Variants in WWC1 observed in about 807,000 individuals in gnomAD.
WWC1 encodes WW and C2 domain containing 1.
A neutral mutation model predicts 138.4 loss-of-function variants in WWC1; 55 were observed. That is an observed-to-expected ratio of 0.40 (90% CI 0.32 to 0.50). The LOEUF is 0.50. Ranked by LOEUF, WWC1 falls within the 20% of genes least tolerant of loss-of-function variation. The pLI is 0.72. For missense variants in WWC1, 1,226 were observed against 1,420.4 expected, an observed-to-expected ratio of 0.86 and a Z score of 2.20; for synonymous variants, 524 against 564.9, an observed-to-expected ratio of 0.93 and a Z score of 1.03.
At chr5:168,308,302 AAAC>A (rs10591587) in intron 1 of WWC1, among the ~76,000 whole-genome samples, 96,768 of 151,768 alleles carry the variant, frequency 0.64, 31,171 homozygotes, top group Middle Eastern at 0.72. Flanking sequence ...CAAATAATAA[AAAC>A]AAGCAAAATA....
chr5:168,414,837 T>C (rs1780482485), intron 9 of WWC1: 1 of 523,746 alleles, frequency 1.9e-6, no homozygotes, highest in Non-Finnish European at 3.3e-6. Context: ...GGTGCAGGTG[T>C]TCAAAAATGT....
chr5:168,444,281 A>G (rs1373266653), intron 16 of WWC1, among the ~76,000 whole-genome samples: 2 of 152,234 alleles, frequency 1.3e-5, no homozygotes, highest in African/African-American at 4.8e-5. Context: ...GTTCATACAT[A>G]CAGGAGCTAT....
chr5:168,357,830 A>T (rs988533918), intron 1 of WWC1, among the ~76,000 whole-genome samples: 4 of 152,140 alleles, frequency 2.6e-5, no homozygotes, highest in African/African-American at 9.7e-5. Context: ...TGGGAGAAAA[A>T]CCCATAAAGC....
At position 168,292,088 on chromosome 5, in the gene WWC1, T is replaced by G. The variant is rs1204448788; in HGVS notation, c.-65T>G. ...GCCGCCCGGGCTAAGAGCGGCCGGCTGGAGCCGCTGAGCCCCCGCTGCGGC... is the reference window on the plus strand; with the variant it reads ...GCCGCCCGGGCTAAGAGCGGCCGGCGGGAGCCGCTGAGCCCCCGCTGCGGC... On this transcript the variant is annotated 5_prime_UTR_variant, in exon 1 of 23. Coordinates refer to ENST00000265293, the MANE Select transcript of WWC1 (RefSeq NM_015238.3). This position sits in a 1 kb window ranked among gnomAD's most constrained non-coding sequence, Gnocchi z 4.4. 6.9e-7 allele frequency: 1 copy of G among 1,447,998 alleles called. No individual in the cohort carries two copies. Among genetic ancestry groups the G allele is most frequent in the Non-Finnish European group, 9.1e-7 (1 of 1,103,922 alleles). 89.7% of individuals were successfully genotyped at this position (1,447,998 alleles called of 1,614,324 possible).
At chr5:168,387,012 T>C (rs1392172055) in intron 3 of WWC1, among the ~76,000 whole-genome samples, 1 of 152,228 alleles carries the variant, frequency 6.6e-6, no homozygotes, top group East Asian at 1.9e-4. Flanking sequence ...TGCCAGACAC[T>C]CTGCTATAGT....
At chr5:168,466,186 T>G (rs1047864268) in intron 21 of WWC1, among the ~76,000 whole-genome samples, 1 of 152,132 alleles carries the variant, frequency 6.6e-6, no homozygotes, top group Admixed American at 6.6e-5. Context: ...TTGAGCTATA[T>G]TTAAAACAAC....
rs775639758 is a variant in WWC1 at position 168,376,242 on chromosome 5, T to C, written c.229+4709T>C. Among the ~76,000 whole-genome samples the C allele has an allele frequency of 4.2e-4, 63 of 151,352 alleles. No individual in the cohort carries two copies. The Middle Eastern group carries it at 0.021, about 50-fold the overall frequency. On this transcript the variant is annotated intron_variant, in intron 2 of 22. Coordinates refer to ENST00000265293, the MANE Select transcript of WWC1 (RefSeq NM_015238.3). ...CTAATTTTTGTATTTTTAGTAGAGA[T>C]GGGGTTTCACCATGTTGGCCAGGCT...
At chr5:168,389,755 T>G (rs1293633481) in intron 3 of WWC1, among the ~76,000 whole-genome samples, 2 of 152,110 alleles carry the variant, frequency 1.3e-5, no homozygotes, top group Non-Finnish European at 2.9e-5. Flanking sequence ...ATGTCAGAGT[T>G]TCTTAACCTC....
Position 168,427,471 on chromosome 5 carries a change from C to T in WWC1, c.1811-562C>T, listed in dbSNP as rs111382508. ...GAGCCGGATTTGAATCCAGGCAGTT[C>T]GACTCAAGAGCCTGGGATGGTAAAA... is the stretch of plus-strand genomic sequence containing the variant. On this transcript the variant is annotated intron_variant, in intron 11 of 22. Transcript: ENST00000265293. Among the ~76,000 whole-genome samples the T allele has an allele frequency of 9.5e-3, 1,441 of 151,228 alleles. 20 individuals carry two copies. The highest frequency in any genetic ancestry group is 0.034 in the African/African-American group (1,378 of 41,134).
chr5:168,328,885 G>A (rs954519987), intron 1 of WWC1, among the ~76,000 whole-genome samples: 24 of 152,236 alleles, frequency 1.6e-4, no homozygotes, highest in African/African-American at 5.8e-4. Context: ...GCATGACCTC[G>A]GTGTCTGGTG....
In WWC1 at chr5:168,455,389, C is replaced by G; in HGVS notation, c.2692C>G (p.Pro898Ala). The change falls in exon 19 of 23, where the codon CCA becomes GCA. Residue 898 changes from proline to alanine, a missense_variant. By Grantham distance (27) the Pro-to-Ala change is conservative. Coordinates refer to ENST00000265293, the MANE Select transcript of WWC1 (RefSeq NM_015238.3). Reference protein sequence around the residue: ...DKETNTETPAPSPTVVRPKDR... With the variant: ...DKETNTETPAASPTVVRPKDR... ...AGAGACCAACACGGAGACCCCGGCC[C>G]CATCCCCCACAGTGGTGCGACCTAA... The G allele has an allele frequency of 6.3e-7, 1 of 1,599,298 alleles. No homozygotes were observed. The highest frequency in any genetic ancestry group is 8.5e-7 in the Non-Finnish European group (1 of 1,174,002).
At chr5:168,467,327 A>G (rs996582840) in intron 21 of WWC1, among the ~76,000 whole-genome samples, 16 of 152,336 alleles carry the variant, frequency 1.1e-4, no homozygotes, top group South Asian at 4.1e-4. Flanking sequence ...GTTTTCAAGT[A>G]TATGGTACGT....
At chr5:168,434,083 C>T (rs1782152071) in intron 15 of WWC1, among the ~76,000 whole-genome samples, 1 of 152,222 alleles carries the variant, frequency 6.6e-6, no homozygotes, top group Admixed American at 6.5e-5. Flanking sequence ...GGTTGGCAAG[C>T]CTGGGCTCCT....
At chr5:168,313,391 G>C (rs907310527) in intron 1 of WWC1, among the ~76,000 whole-genome samples, 7 of 151,990 alleles carry the variant, frequency 4.6e-5, no homozygotes, top group Admixed American at 4.6e-4. Flanking sequence ...AGGAGTTTGA[G>C]ACCAGCCTGG....
At chr5:168,435,595 G>C (rs534901492) in intron 15 of WWC1, among the ~76,000 whole-genome samples, 1 of 152,136 alleles carries the variant, frequency 6.6e-6, no homozygotes, top group African/African-American at 2.4e-5. Flanking sequence ...ATTTTTTGTA[G>C]AGATGGGGTC....
intron 6 of WWC1, 92 bp from the exon 7 acceptor site, chr5:168,408,415 G>C (rs1400735049): frequency 1.3e-5 from 19 of 1,460,960 alleles, no homozygotes; most frequent in Non-Finnish European, 1.4e-5. Context: ...CCTAAATTAA[G>C]GGAGGGTAGA....
intron 19 of WWC1, 83 bp downstream of exon 19, chr5:168,455,603 T>G (rs1756248672): frequency 6.5e-7 from 1 of 1,538,032 alleles, no homozygotes; most frequent in African/African-American, 1.4e-5. Context: ...CCCATTACTC[T>G]CATGTTATTG....
chr5:168,427,520 C>A (rs1320724161), intron 11 of WWC1, among the ~76,000 whole-genome samples: 1 of 150,924 alleles, frequency 6.6e-6, no homozygotes, highest in Non-Finnish European at 1.5e-5. Context: ...GTGACTCCTT[C>A]CATCACCCTA....
chr5:168,373,195 G>A (rs954116587), intron 2 of WWC1, among the ~76,000 whole-genome samples: 1 of 152,196 alleles, frequency 6.6e-6, no homozygotes, highest in Non-Finnish European at 1.5e-5. Flanking sequence ...GTCTTTTCCT[G>A]TTTCTAATTG....
Sources: gnomAD v4.1 joint callset for allele counts (sites outside exome capture counted in the v4.1 genomes callset) on GRCh38, gnomAD v4.1.1 for gene constraint, Gnocchi (gnomAD v3.1) non-coding constraint, MANE v1.5 for transcripts, NCBI Gene and HGNC (gene_info 2026-07-23, HGNC 2026-07-21) for gene names.